PRKG1: variants seen among roughly 807,000 people sequenced by gnomAD.
The protein encoded by PRKG1 is cGMP-dependent protein kinase 1.
Under a neutral mutation model 88.1 loss-of-function variants are expected in PRKG1, and 35 were observed. That is an observed-to-expected ratio of 0.40 (90% CI 0.30 to 0.53). The LOEUF (loss-of-function observed/expected upper bound fraction) is 0.53. PRKG1 is among the 20% of genes least tolerant of loss of function. The pLI, the probability that PRKG1 is intolerant of heterozygous loss-of-function variation, is 0.59. For missense variants in PRKG1, 540 were observed against 839.8 expected (o/e 0.64, Z 4.41); for synonymous variants, 303 against 292.5 (o/e 1.04, Z -0.37).
At chr10:51,645,247 G>A (rs1839888987) in intron 3 of PRKG1, among the ~76,000 whole-genome samples, 1 of 152,154 alleles carries the variant, frequency 6.6e-6, no homozygotes, top group African/African-American at 2.4e-5. Context: ...TTACTTGTAA[G>A]ACTTGCTTGA....
chr10:51,998,371 T>C (rs1844506635), intron 5 of PRKG1, among the ~76,000 whole-genome samples: 1 of 152,212 alleles, frequency 6.6e-6, no homozygotes, highest in South Asian at 2.1e-4. Flanking sequence ...TTATGGATAC[T>C]AGTGTTCAAC....
intron 3 of PRKG1, among the ~76,000 whole-genome samples, chr10:51,782,745 C>T (rs1239884082): frequency 3.9e-5 from 6 of 152,228 alleles, no homozygotes; most frequent in Admixed American, 3.9e-4. Context: ...GCATATTCCC[C>T]ATTCTGTCTT....
At chr10:52,158,376 T>C (rs1467568376) in intron 8 of PRKG1, among the ~76,000 whole-genome samples, 4 of 151,678 alleles carry the variant, frequency 2.6e-5, no homozygotes, top group African/African-American at 9.7e-5. Context: ...AAGCATCTGA[T>C]ACCTATAGTA....
intron 7 of PRKG1, among the ~76,000 whole-genome samples, chr10:52,074,377 G>T (rs965076126): frequency 2.6e-5 from 4 of 152,106 alleles, no homozygotes; most frequent in Non-Finnish European, 5.9e-5. Flanking sequence ...CCATAAAATG[G>T]TTTATTTATC....
At chr10:51,329,024 T>C (rs899136991) in intron 2 of PRKG1, among the ~76,000 whole-genome samples, 2 of 152,186 alleles carry the variant, frequency 1.3e-5, no homozygotes, top group Non-Finnish European at 2.9e-5. Flanking sequence ...GTAGATTGCC[T>C]CTTCACACTG....
chr10:52,239,151 T>G (rs1227595533), intron 9 of PRKG1, among the ~76,000 whole-genome samples: 1 of 100,206 alleles, frequency 1.0e-5, no homozygotes, highest in Non-Finnish European at 1.9e-5. Context: ...AAGGGGAATA[T>G]CACACTCTGG....
At chr10:51,842,694 T>C (rs926560980) in intron 4 of PRKG1, among the ~76,000 whole-genome samples, 1 of 152,220 alleles carries the variant, frequency 6.6e-6, no homozygotes, top group Non-Finnish European at 1.5e-5. Context: ...ACTATATGTG[T>C]ATATGTATAT....
chr10:52,022,827 G>A (rs1479016082), intron 5 of PRKG1, among the ~76,000 whole-genome samples: 1 of 152,120 alleles, frequency 6.6e-6, no homozygotes, highest in Non-Finnish European at 1.5e-5. Context: ...GCAAAATCAT[G>A]TTATTTAGGA....
At chr10:51,134,910 C>T (rs1003871659) in intron 1 of PRKG1, among the ~76,000 whole-genome samples, 1 of 152,032 alleles carries the variant, frequency 6.6e-6, no homozygotes, top group African/African-American at 2.4e-5. Context: ...ATATACAGCC[C>T]AGAGACTCCT....
intron 2 of PRKG1, among the ~76,000 whole-genome samples, chr10:51,309,253 CTT>C (rs1841118808): frequency 6.6e-6 from 1 of 152,124 alleles, no homozygotes; most frequent in Admixed American, 6.6e-5. Context: ...ATCCCAGTCT[CTT>C]TCATAAACTC....
intron 5 of PRKG1, among the ~76,000 whole-genome samples, chr10:51,974,580 T>G (rs895621174): frequency 2.8e-5 from 4 of 142,838 alleles, no homozygotes; most frequent in Admixed American, 2.1e-4. Context: ...AAATATTCCC[T>G]CTCTTTCATA....
chr10:52,169,755 T>C (rs1838608095), intron 9 of PRKG1, among the ~76,000 whole-genome samples: 1 of 152,212 alleles, frequency 6.6e-6, no homozygotes, highest in Admixed American at 6.5e-5. Flanking sequence ...CAGGATTCAA[T>C]GAGCTTACAC....
intron 3 of PRKG1, among the ~76,000 whole-genome samples, chr10:51,661,403 C>G (rs975397412): frequency 2.6e-5 from 4 of 152,170 alleles, no homozygotes; most frequent in Non-Finnish European, 5.9e-5. Context: ...ACAACCCCAT[C>G]AAAAAGTGGG....
chr10:51,560,135 G>A (rs978307070), intron 3 of PRKG1, among the ~76,000 whole-genome samples: 6 of 152,178 alleles, frequency 3.9e-5, no homozygotes, highest in Middle Eastern at 3.4e-3. Context: ...ACCTGGCTTT[G>A]GTGAGCATTT....
At chr10:51,078,808 G>A (rs1442666165) in intron 1 of PRKG1, among the ~76,000 whole-genome samples, 1 of 151,780 alleles carries the variant, frequency 6.6e-6, no homozygotes, top group Non-Finnish European at 1.5e-5. Context: ...CAGTAGAGAC[G>A]GGGTTTCACA....
At chr10:52,102,104 T>C (rs1260759619) in intron 7 of PRKG1, among the ~76,000 whole-genome samples, 3 of 152,176 alleles carry the variant, frequency 2.0e-5, no homozygotes, top group Admixed American at 6.5e-5. Context: ...CTTTTCTGGA[T>C]TGGTTCCATA....
chr10:51,426,293 TAAAC>T (rs1205097984), intron 2 of PRKG1, among the ~76,000 whole-genome samples: 2 of 151,586 alleles, frequency 1.3e-5, no homozygotes, highest in Admixed American at 6.6e-5. Flanking sequence ...AATAAATAAA[TAAAC>T]AAACAAGCAA....
At chr10:51,597,200 C>T (rs946990135) in intron 3 of PRKG1, among the ~76,000 whole-genome samples, 1 of 151,578 alleles carries the variant, frequency 6.6e-6, no homozygotes, top group East Asian at 1.9e-4. Flanking sequence ...GTAATTTCAT[C>T]GGTAATAAAA....
At chr10:51,189,500 G>A (rs1360246948) in intron 2 of PRKG1, among the ~76,000 whole-genome samples, 2 of 151,764 alleles carry the variant, frequency 1.3e-5, no homozygotes, top group African/African-American at 4.8e-5. Context: ...GTTCCCTGTG[G>A]CCCATGGAGC....
Sources: gnomAD v4.1 joint callset for allele counts (sites outside exome capture counted in the v4.1 genomes callset) on GRCh38, gnomAD v4.1.1 for gene constraint, MANE v1.5 for transcripts, NCBI Gene and HGNC (gene_info 2026-07-23, HGNC 2026-07-21) for gene names.